NCKAP5: variants seen among roughly 807,000 people sequenced by gnomAD.
NCKAP5 encodes the protein NCK associated protein 5, also known as nck-associated protein 5.
NCKAP5 carries 92 observed loss-of-function variants against 167.0 expected under a neutral mutation model. The ratio of observed to expected loss-of-function variants is 0.55; its 90% CI spans 0.47 to 0.66. The LOEUF is 0.66. Ranked by LOEUF, NCKAP5 falls within the 30% of genes least tolerant of loss-of-function variation. NCKAP5 has a pLI of 0.00. For synonymous variants in NCKAP5, 891 were observed against 877.4 expected, an observed-to-expected ratio of 1.02 and a Z score of -0.27; for missense variants, 2,378 against 2,315.0, an observed-to-expected ratio of 1.03 and a Z score of -0.56.
chr2:133,631,579 C>T, the NCKAP5 span, among the ~76,000 whole-genome samples: 1 of 152,168 alleles, frequency 6.6e-6, no homozygotes. Flanking sequence ...AAAGGTGTAA[C>T]TCCTGGATAG....
intron 11 of NCKAP5, among the ~76,000 whole-genome samples, chr2:132,845,229 C>T (rs945843207): frequency 4.6e-5 from 7 of 152,200 alleles, no homozygotes; most frequent in Middle Eastern, 3.4e-3. Flanking sequence ...ATGTCAAAAA[C>T]CTTTTCTCCT....
At chr2:132,704,563 C>T (rs531762100) in intron 19 of NCKAP5, among the ~76,000 whole-genome samples, 1 of 152,198 alleles carries the variant, frequency 6.6e-6, no homozygotes, top group African/African-American at 2.4e-5. Flanking sequence ...CTCCAAAGAG[C>T]ACCTCCTGGT....
At chr2:133,359,457 C>T (rs569250889) in intron 3 of NCKAP5, among the ~76,000 whole-genome samples, 1 of 152,228 alleles carries the variant, frequency 6.6e-6, no homozygotes, top group Admixed American at 6.5e-5. Context: ...ATGAGGAAAA[C>T]CTATTGTGTT....
At chr2:132,894,440 A>C (rs753818815) in intron 8 of NCKAP5, among the ~76,000 whole-genome samples, 1 of 152,206 alleles carries the variant, frequency 6.6e-6, no homozygotes, top group Non-Finnish European at 1.5e-5. Context: ...CCATGTAATG[A>C]CTTTTTTTTC....
At chr2:133,652,481 G>A in the NCKAP5 span, among the ~76,000 whole-genome samples, 1 of 152,188 alleles carries the variant, frequency 6.6e-6, no homozygotes, top group African/African-American at 2.4e-5. Context: ...CGTATTGACG[G>A]AGAATTCATC....
intron 3 of NCKAP5, among the ~76,000 whole-genome samples, chr2:133,437,370 G>A (rs1045325879): frequency 5.9e-5 from 9 of 151,830 alleles, no homozygotes; most frequent in African/African-American, 1.9e-4. Context: ...AAAAAAGAAG[G>A]AAAGAATGAA....
chr2:133,605,741 T>G, the NCKAP5 span, among the ~76,000 whole-genome samples: 9 of 152,244 alleles, frequency 5.9e-5, no homozygotes, highest in African/African-American at 2.2e-4. Flanking sequence ...TATGTGAGCA[T>G]CTTATTCCTT....
chr2:133,224,205 C>A (rs962209924), intron 4 of NCKAP5, among the ~76,000 whole-genome samples: 2 of 152,206 alleles, frequency 1.3e-5, no homozygotes, highest in African/African-American at 2.4e-5. Context: ...GTCACTCATG[C>A]AGTCCATGAA....
intron 5 of NCKAP5, among the ~76,000 whole-genome samples, chr2:133,173,788 A>G (rs929057832): frequency 4.6e-5 from 7 of 152,182 alleles, no homozygotes; most frequent in African/African-American, 1.7e-4. Context: ...TGACAGATTT[A>G]CCAAAAATAA....
At chr2:132,709,012 T>C (rs1688608267) in intron 19 of NCKAP5, among the ~76,000 whole-genome samples, 1 of 152,134 alleles carries the variant, frequency 6.6e-6, no homozygotes, top group Non-Finnish European at 1.5e-5. Context: ...AAGTTTATTA[T>C]TACTGTTATA....
At chr2:133,264,616 A>G (rs926333347) in intron 4 of NCKAP5, among the ~76,000 whole-genome samples, 6 of 152,358 alleles carry the variant, frequency 3.9e-5, no homozygotes, top group Non-Finnish European at 7.3e-5. Flanking sequence ...TAATGTCCAT[A>G]GGCAAAAAGA....
chr2:133,201,938 A>G (rs1223829087), intron 5 of NCKAP5, among the ~76,000 whole-genome samples: 2 of 152,212 alleles, frequency 1.3e-5, no homozygotes, highest in Non-Finnish European at 1.5e-5. Context: ...AAGAATCATT[A>G]TCATCAAAAT....
chr2:133,352,614 TGCTGAGTG>T (rs1559408707), intron 3 of NCKAP5, among the ~76,000 whole-genome samples: 1 of 152,170 alleles, frequency 6.6e-6, no homozygotes, highest in African/African-American at 2.4e-5. Context: ...ACATTAGACT[TGCTGAGTG>T]GCTGAGTGTA....
intron 3 of NCKAP5, among the ~76,000 whole-genome samples, chr2:133,361,975 C>A (rs1170470495): frequency 2.0e-5 from 3 of 149,230 alleles, no homozygotes; most frequent in South Asian, 2.2e-4. Context: ...GAAAAATAAT[C>A]AAGGAATTGA....
chr2:133,327,479 T>C (rs1682532791), intron 3 of NCKAP5, among the ~76,000 whole-genome samples: 1 of 152,190 alleles, frequency 6.6e-6, no homozygotes, highest in Non-Finnish European at 1.5e-5. Flanking sequence ...GAAGACAAAA[T>C]GCAGATTCCT....
chr2:133,545,365 G>A (rs1391277914), intron 2 of NCKAP5, among the ~76,000 whole-genome samples: 2 of 152,100 alleles, frequency 1.3e-5, no homozygotes, highest in Non-Finnish European at 2.9e-5. Context: ...TGGCTGACGC[G>A]TTTGGTCCTC....
At chr2:133,570,688 C>A (rs1688833032), upstream of NCKAP5, among the ~76,000 whole-genome samples, 2 of 152,284 alleles carry the variant, frequency 1.3e-5, no homozygotes, top group South Asian at 4.1e-4. Context: ...TAAGGTAAGA[C>A]AAGTGTGAGC....
At position 132,781,987 on chromosome 2, in the gene NCKAP5, A is replaced by G. The variant is rs1263279463; in HGVS notation, c.4824T>C (p.Pro1608=). ...LKIEPRNRHS[P]VACSTKDTFM... ...AGGTGTCTTTCGTTGAACATGCAAC[A>G]GGGCTGTGTCTATTCCTTGGTTCAA... Residue 1608 remains proline, a synonymous_variant, in exon 14 of 20, where the codon CCT becomes CCC. Transcript: ENST00000409261. 3 of 1,613,628 alleles carry G rather than the reference A, an allele frequency of 1.9e-6. No homozygotes were observed. The highest frequency in any genetic ancestry group is 2.5e-6 in the Non-Finnish European group (3 of 1,179,830).
intron 6 of NCKAP5, among the ~76,000 whole-genome samples, chr2:133,034,408 T>C (rs545960004): frequency 6.6e-6 from 1 of 152,094 alleles, no homozygotes; most frequent in African/African-American, 2.4e-5. Context: ...TAATGAGCAA[T>C]AAATAGTCAT....
Sources: gnomAD v4.1 joint callset for allele counts (sites outside exome capture counted in the v4.1 genomes callset) on GRCh38, gnomAD v4.1.1 for gene constraint, MANE v1.5 for transcripts, NCBI Gene and HGNC (gene_info 2026-07-23, HGNC 2026-07-21) for gene names.